The following FAAH2 variants were observed in gnomAD, a reference collection of about 807,000 sequenced individuals.
FAAH2 encodes the protein fatty-acid amide hydrolase 2.
A neutral mutation model predicts 36.9 loss-of-function variants in FAAH2; 60 were observed. That is an observed-to-expected ratio of 1.63 (90% CI 1.32 to 2.02). The LOEUF (loss-of-function observed/expected upper bound fraction) is 2.02. FAAH2 is among the 30% of genes most tolerant of loss of function. FAAH2 has a pLI of 0.00. For synonymous variants in FAAH2, 214 were observed against 143.8 expected, an observed-to-expected ratio of 1.49 and a Z score of -3.49; for missense variants, 689 against 397.5, an observed-to-expected ratio of 1.73 and a Z score of -6.23.
intron 10 of FAAH2, among the ~76,000 whole-genome samples, chrX:57,480,588 G>T (rs1406561266): frequency 8.9e-6 from 1 of 111,931 alleles, no homozygotes; most frequent in African/African-American, 3.2e-5. Context: ...GGCTTGTAGG[G>T]TTTCTGCAGA....
intron 7 of FAAH2, among the ~76,000 whole-genome samples, chrX:57,381,863 A>G (rs752716467): frequency 2.7e-5 from 3 of 111,812 alleles, no homozygotes; most frequent in Non-Finnish European, 3.8e-5. Context: ...CCAAATCAAC[A>G]GAATGTACAT....
chrX:57,182,475 C>T, the FAAH2 span, among the ~76,000 whole-genome samples: 1 of 111,610 alleles, frequency 9.0e-6, no homozygotes, highest in South Asian at 3.7e-4. Context: ...TATCACTGAT[C>T]TTTACAGCAA....
intron 8 of FAAH2, among the ~76,000 whole-genome samples, chrX:57,444,904 C>A (rs1011300555): frequency 1.8e-5 from 2 of 111,820 alleles, no homozygotes; most frequent in African/African-American, 6.5e-5. Context: ...TCTTTAAGTT[C>A]ATTAGGCTTC....
At chrX:57,127,798 C>A in the FAAH2 span, among the ~76,000 whole-genome samples, 1 of 111,057 alleles carries the variant, frequency 9.0e-6, no homozygotes, top group Admixed American at 9.6e-5. Flanking sequence ...AATGTTAAAT[C>A]CCTGGTATGT....
chrX:57,187,549 C>T, the FAAH2 span, among the ~76,000 whole-genome samples: 10 of 110,879 alleles, frequency 9.0e-5, no homozygotes, highest in Admixed American at 1.9e-4. Flanking sequence ...TATTTTAATA[C>T]GCTTTATTTC....
At chrX:57,216,580 ATG>A in the FAAH2 span, among the ~76,000 whole-genome samples, 17 of 51,386 alleles carry the variant, frequency 3.3e-4, 2 homozygotes, top group African/African-American at 1.7e-3. Context: ...ATGTATATAT[ATG>A]TATATGTATA....
the FAAH2 span, among the ~76,000 whole-genome samples, chrX:57,254,537 C>T: frequency 8.9e-6 from 1 of 111,896 alleles, no homozygotes; most frequent in Non-Finnish European, 1.9e-5. Flanking sequence ...AAACACTCCT[C>T]AGCAAATGTA....
At chrX:57,148,761 C>T in the FAAH2 span, among the ~76,000 whole-genome samples, 1 of 111,366 alleles carries the variant, frequency 9.0e-6, no homozygotes, top group Non-Finnish European at 1.9e-5. Context: ...TTTCCTTCTC[C>T]TGCCTCATTG....
intron 8 of FAAH2, among the ~76,000 whole-genome samples, chrX:57,444,428 C>T (rs183824242): frequency 2.1e-3 from 240 of 112,167 alleles, no homozygotes; most frequent in African/African-American, 7.1e-3. Flanking sequence ...ATATGATTTC[C>T]TGGTGTGCCG....
intron 1 of FAAH2, among the ~76,000 whole-genome samples, chrX:57,290,880 T>A (rs2051956924): frequency 8.9e-6 from 1 of 111,980 alleles, no homozygotes; most frequent in Non-Finnish European, 1.9e-5. Context: ...TAGTTTTGTT[T>A]ACCTCTTAGA....
chrX:57,341,840 C>T (rs2053695950), intron 5 of FAAH2, among the ~76,000 whole-genome samples: 1 of 111,116 alleles, frequency 9.0e-6, no homozygotes, highest in African/African-American at 3.3e-5. Context: ...AACACAGTTT[C>T]AGAAACAGTG....
chrX:57,319,594 G>C (rs901070691), intron 3 of FAAH2, among the ~76,000 whole-genome samples: 2 of 111,936 alleles, frequency 1.8e-5, no homozygotes, highest in East Asian at 5.6e-4. Flanking sequence ...TGGCCATACT[G>C]CCCAAGTAAT....
chrX:57,381,883 C>A (rs2054860367), intron 7 of FAAH2, among the ~76,000 whole-genome samples: 1 of 111,653 alleles, frequency 9.0e-6, no homozygotes, highest in African/African-American at 3.3e-5. Flanking sequence ...TTCTTCTCAG[C>A]ACCAAACCAC....
the FAAH2 span, chrX:57,127,122 G>T: frequency 1.8e-5 from 2 of 110,989 alleles, no homozygotes; most frequent in African/African-American, 6.5e-5. Context: ...GCAGTTGAAG[G>T]CATCTTAAAT....
At chrX:57,266,126 A>G in the FAAH2 span, among the ~76,000 whole-genome samples, 690 of 111,622 alleles carry the variant, frequency 6.2e-3, 6 homozygotes, top group Middle Eastern at 9.2e-3. Flanking sequence ...TACTTTTTTA[A>G]CCAACTCCGT....
chrX:57,476,299 C>G (rs957611989), intron 10 of FAAH2, among the ~76,000 whole-genome samples: 1 of 110,912 alleles, frequency 9.0e-6, no homozygotes, highest in African/African-American at 3.3e-5. Context: ...ATGCTTCCAG[C>G]TTTTACCCAT....
chrX:57,208,096 A>G, the FAAH2 span, among the ~76,000 whole-genome samples: 1 of 112,839 alleles, frequency 8.9e-6, no homozygotes, highest in African/African-American at 3.2e-5. Flanking sequence ...TTCTGCCTGA[A>G]TAGAACTGAG....
the FAAH2 span, among the ~76,000 whole-genome samples, chrX:57,252,151 G>A: frequency 8.9e-6 from 1 of 112,674 alleles, no homozygotes; most frequent in Non-Finnish European, 1.9e-5. Context: ...CTGGGATGCT[G>A]AAGTTTGGCA....
intron 5 of FAAH2, among the ~76,000 whole-genome samples, chrX:57,362,869 G>A (rs1182352774): frequency 9.0e-6 from 1 of 111,579 alleles, no homozygotes; most frequent in Admixed American, 9.5e-5. Context: ...CAACTTTGTG[G>A]AAGACCAGGT....
Sources: allele counts gnomAD v4.1 joint callset (sites outside exome capture counted in the v4.1 genomes callset), GRCh38; gene constraint gnomAD v4.1.1; transcripts MANE v1.5; gene names NCBI Gene and HGNC (gene_info 2026-07-23, HGNC 2026-07-21).